MPPED2: variants seen among roughly 807,000 people sequenced by gnomAD.
MPPED2 encodes metallophosphoesterase MPPED2.
MPPED2 carries 5 observed loss-of-function variants against 33.0 expected under a neutral mutation model. That is an observed-to-expected ratio of 0.15 (90% CI 0.08 to 0.32). The LOEUF is 0.32. Ranked by LOEUF, MPPED2 falls within the 10% of genes least tolerant of loss-of-function variation. MPPED2 has a pLI of 1.00. For missense variants in MPPED2, 275 were observed against 372.1 expected, an observed-to-expected ratio of 0.74 and a Z score of 2.15; for synonymous variants, 136 against 141.9, an observed-to-expected ratio of 0.96 and a Z score of 0.29.
At chr11:30,450,287 G>A (rs1950000703) in intron 4 of MPPED2, among the ~76,000 whole-genome samples, 1 of 152,288 alleles carries the variant, frequency 6.6e-6, no homozygotes, top group East Asian at 1.9e-4. Flanking sequence ...GCCCTCATGG[G>A]GTTCCAAGAG....
At chr11:30,392,853 C>G (rs1306569927) in intron 6 of MPPED2, among the ~76,000 whole-genome samples, 1 of 152,182 alleles carries the variant, frequency 6.6e-6, no homozygotes, top group Non-Finnish European at 1.5e-5. Flanking sequence ...GGAAGAAGTG[C>G]CTATTTTAAA....
At chr11:30,431,140 G>A (rs1949059451) in intron 4 of MPPED2, among the ~76,000 whole-genome samples, 1 of 152,180 alleles carries the variant, frequency 6.6e-6, no homozygotes, top group East Asian at 1.9e-4. Flanking sequence ...GGATGATGTG[G>A]GGCTTTTTTT....
chr11:30,433,075 T>A (rs925320996), intron 4 of MPPED2, among the ~76,000 whole-genome samples: 9 of 152,040 alleles, frequency 5.9e-5, no homozygotes, highest in African/African-American at 2.2e-4. Flanking sequence ...GGACTATGAG[T>A]TGGAGAGAGG....
intron 6 of MPPED2, among the ~76,000 whole-genome samples, chr11:30,398,926 G>A (rs1565032851): frequency 6.6e-6 from 1 of 151,894 alleles, no homozygotes; most frequent in Non-Finnish European, 1.5e-5. Context: ...TTTTATTTGA[G>A]AGGCATGGGA....
At chr11:30,550,076 G>A (rs1298880679) in intron 2 of MPPED2, among the ~76,000 whole-genome samples, 1 of 152,116 alleles carries the variant, frequency 6.6e-6, no homozygotes, top group Non-Finnish European at 1.5e-5. Flanking sequence ...ACATTTTAAT[G>A]GGCAATGCCC....
chr11:30,492,203 CTGTT>C (rs111312592), intron 4 of MPPED2, among the ~76,000 whole-genome samples: 3,326 of 152,276 alleles, frequency 0.022, 115 homozygotes, highest in African/African-American at 0.077. Flanking sequence ...CTGAATTAGT[CTGTT>C]TGTTCGATTG....
At chr11:30,492,122 G>T (rs553683324) in intron 4 of MPPED2, among the ~76,000 whole-genome samples, 1 of 152,298 alleles carries the variant, frequency 6.6e-6, no homozygotes, top group South Asian at 2.1e-4. Context: ...TATCAATCCA[G>T]TTCAGATATA....
chr11:30,409,175 G>A (rs944681104), downstream of MPPED2, among the ~76,000 whole-genome samples: 1 of 152,150 alleles, frequency 6.6e-6, no homozygotes, highest in African/African-American at 2.4e-5. Flanking sequence ...TGGGAGGCTT[G>A]TTTTTCCAGA....
intron 6 of MPPED2, among the ~76,000 whole-genome samples, chr11:30,413,951 G>A (rs188542856): frequency 5.3e-5 from 8 of 152,282 alleles, no homozygotes; most frequent in South Asian, 4.1e-4. Context: ...AACATTCCTC[G>A]TTAAAGCCCT....
At chr11:30,393,705 C>T (rs1378426148) in intron 6 of MPPED2, among the ~76,000 whole-genome samples, 1 of 152,170 alleles carries the variant, frequency 6.6e-6, no homozygotes, top group African/African-American at 2.4e-5. Flanking sequence ...TAAGGACTCC[C>T]AGAGTTCTGG....
intron 3 of MPPED2, among the ~76,000 whole-genome samples, chr11:30,510,125 C>T (rs927696414): frequency 4.6e-5 from 7 of 152,150 alleles, no homozygotes; most frequent in African/African-American, 1.7e-4. Context: ...TTCATAGACA[C>T]AGAGGACTAA....
At chr11:30,545,231 G>A (rs1411787529) in intron 2 of MPPED2, among the ~76,000 whole-genome samples, 1 of 152,126 alleles carries the variant, frequency 6.6e-6, no homozygotes, top group African/African-American at 2.4e-5. Context: ...CTACAGGATG[G>A]GAGGTGGGGG....
intron 4 of MPPED2, among the ~76,000 whole-genome samples, chr11:30,446,740 C>G (rs986229151): frequency 2.6e-5 from 4 of 152,114 alleles, no homozygotes; most frequent in Admixed American, 2.6e-4. Flanking sequence ...AACGAGCACC[C>G]CTCGGAATCC....
Position 30,411,129 on chromosome 11 carries a change from T to C in MPPED2, c.*339A>G. ...TTTTAAAACACTGCCTGTTTCTTATTTTTTTTTCTTTCAGCTTAAAGCATA... is the reference window on the plus strand; with the variant it reads ...TTTTAAAACACTGCCTGTTTCTTATCTTTTTTTCTTTCAGCTTAAAGCATA... On this transcript the variant is annotated 3_prime_UTR_variant, in exon 7 of 7. Coordinates refer to ENST00000358117, the MANE Select transcript of MPPED2 (RefSeq NM_001584.3). 4.0e-6 allele frequency: 4 copies of C among 995,816 alleles called. No individual in the cohort carries two copies. The highest frequency in any genetic ancestry group is 4.8e-6 in the Non-Finnish European group (4 of 836,546). The allele number at this position is 995,816 out of a possible 1,614,324, so 61.7% of individuals were successfully genotyped here.
chr11:30,570,793 T>A (rs548019614), intron 2 of MPPED2, among the ~76,000 whole-genome samples: 1 of 152,320 alleles, frequency 6.6e-6, no homozygotes, highest in African/African-American at 2.4e-5. Context: ...GTACAAGGTT[T>A]GAAACTTGGT....
chr11:30,416,955 C>G (rs1948393420), intron 5 of MPPED2, among the ~76,000 whole-genome samples: 1 of 152,156 alleles, frequency 6.6e-6, no homozygotes, highest in Non-Finnish European at 1.5e-5. Context: ...CTGGATGCAG[C>G]CTCCATGTGC....
intron 1 of MPPED2, among the ~76,000 whole-genome samples, chr11:30,582,583 T>C (rs1170698501): frequency 6.6e-6 from 1 of 152,156 alleles, no homozygotes; most frequent in Admixed American, 6.5e-5. Flanking sequence ...ACCAAGCAAA[T>C]GTGGCCTAGA....
intron 4 of MPPED2, among the ~76,000 whole-genome samples, chr11:30,426,883 T>C (rs1052559455): frequency 2.0e-5 from 3 of 152,066 alleles, no homozygotes; most frequent in African/African-American, 4.8e-5. Flanking sequence ...TTTCCTCCTA[T>C]ACATTCCATA....
intron 2 of MPPED2, among the ~76,000 whole-genome samples, chr11:30,566,431 G>T (rs1398257822): frequency 2.0e-5 from 3 of 152,146 alleles, no homozygotes; most frequent in Non-Finnish European, 4.4e-5. Context: ...AGGCAGAGAT[G>T]ATAGCATTAG....
Sources: allele counts gnomAD v4.1 joint callset (sites outside exome capture counted in the v4.1 genomes callset), GRCh38; gene constraint gnomAD v4.1.1; transcripts MANE v1.5; gene names NCBI Gene and HGNC (gene_info 2026-07-23, HGNC 2026-07-21).